WDR97: variants seen among roughly 807,000 people sequenced by gnomAD.
The protein encoded by WDR97 is WD repeat domain 97, also known as WD repeat-containing protein 97.
WDR97 carries 111 observed loss-of-function variants against 65.4 expected under a neutral mutation model. That is an observed-to-expected ratio of 1.70 (90% CI 1.45 to 1.99). The LOEUF is 1.99. Ranked by LOEUF, WDR97 falls within the 30% of genes most tolerant of loss-of-function variation. The pLI, the probability that WDR97 is intolerant of heterozygous loss-of-function variation, is 0.00. For synonymous variants in WDR97, 802 were observed against 397.7 expected (o/e 2.02, Z -12.10); for missense variants, 1,674 against 865.0 (o/e 1.94, Z -11.73).
rs779778199 is a variant in WDR97, at chr8:144,115,706, G to A, written c.4443G>A (p.Leu1481=). ...TDWSHSQLLD[L]GPIDALNFFC... The stretch of plus-strand genomic sequence containing the variant: ...GGTCGCACTCGCAGCTGCTGGACTT[G>A]GGCCCCATCGACGCGCTCAACTTCT... Residue 1481 remains leucine, a synonymous_variant, in exon 22 of 24, where the codon TTG becomes TTA. Coordinates refer to ENST00000323662, the MANE Select transcript of WDR97 (RefSeq NM_001316309.2). 1.4e-6 allele frequency: 1 copy of A among 701,518 alleles called. No individual in the cohort carries two copies. The highest frequency in any genetic ancestry group is 2.6e-6 in the Non-Finnish European group (1 of 384,454). The allele number at this position is 701,518 out of a possible 1,614,324, so 43.5% of individuals were successfully genotyped here. A position where few individuals can be genotyped will look rare whatever the true frequency, so the allele number is the denominator to read the frequency against.
At position 144,112,774 on chromosome 8, in the gene WDR97, G is replaced by T. The variant is rs531403951; in HGVS notation, c.3105+244G>T. Reference sequence around the variant, plus strand: ...CAGGCTCCTTGCTGCTCTGGGAGCTGACATCAGGCAAAGCCAGTCCCCCCA... The same window carrying T: ...CAGGCTCCTTGCTGCTCTGGGAGCTTACATCAGGCAAAGCCAGTCCCCCCA... On this transcript the variant is annotated intron_variant, in intron 15 of 23. Coordinates refer to ENST00000323662, the MANE Select transcript of WDR97 (RefSeq NM_001316309.2). 23 of 566,792 alleles carry T rather than the reference G, an allele frequency of 4.1e-5. 1 individual carries two copies. In the South Asian group the frequency reaches 5.4e-4, roughly 13 times the overall value. The allele number at this position is 566,792 out of a possible 1,614,324, so 35.1% of individuals were successfully genotyped here.
intron 1 of WDR97, 60 bp downstream of exon 1, chr8:144,107,922 T>C (rs1274622872): frequency 1.4e-6 from 1 of 702,434 alleles, no homozygotes; most frequent in Non-Finnish European, 2.6e-6. Context: ...TCATTCGGGC[T>C]TGGGTTCCGT....
Position 144,111,996 on chromosome 8 carries a change from G to A in WDR97, c.2747G>A (p.Arg916Gln), listed in dbSNP as rs1389028136. The change falls in exon 13 of 24, where the codon CGG (arginine) becomes CAG (glutamine). Residue 916 changes from arginine to glutamine, a missense_variant. Coordinates refer to ENST00000323662, the MANE Select transcript of WDR97 (RefSeq NM_001316309.2). ...CCCCAAGCTGCCCACTGTCTTGCCC[G>A]GGCTGAGGTCAGCACTGCAGCCCAA... ...AVPQAAHCLA[R>Q]AEVSTAAQTV... 13 of 702,450 alleles carry A rather than the reference G, an allele frequency of 1.9e-5. No homozygotes were observed. Among genetic ancestry groups the A allele is most frequent in the Middle Eastern group, 4.6e-4 (2 of 4,392 alleles). The allele number at this position is 702,450 out of a possible 1,614,324, so 43.5% of individuals were successfully genotyped here.
Position 144,114,309 on chromosome 8 carries a change from T to C in WDR97, c.3626T>C (p.Leu1209Pro), listed in dbSNP as rs1273125244. The C allele has an allele frequency of 1.4e-6, 1 of 702,480 alleles. No homozygotes were observed. Among genetic ancestry groups the C allele is most frequent in the South Asian group, 1.5e-5 (1 of 67,600 alleles). 43.5% of individuals were successfully genotyped at this position (702,480 alleles called of 1,614,324 possible). Reference sequence around the variant, plus strand: ...CCGGAGGCGGGCACGATCGAGGGCCTGGCCTCGCTGTTGGTGGCCCTGCTG... The same window carrying C: ...CCGGAGGCGGGCACGATCGAGGGCCCGGCCTCGCTGTTGGTGGCCCTGCTG... ...AYPEAGTIEGLASLLVALLEK... is the reference protein window; with the variant it reads ...AYPEAGTIEGPASLLVALLEK... Residue 1209 changes from leucine (L) to proline (P), a missense_variant, in exon 19 of 24, where the codon CTG (leucine) becomes CCG (proline). By Grantham distance (98) the Leu-to-Pro change is moderately conservative. Transcript: ENST00000323662.
chr8:144,114,090 T>G lies in WDR97; in HGVS notation c.3522T>G (p.His1174Gln), dbSNP rs1362522065. The change falls in exon 18 of 24, where the codon CAT (histidine) becomes CAG (glutamine). Residue 1174 changes from histidine (H) to glutamine (Q), a missense_variant. Coordinates refer to ENST00000323662, the MANE Select transcript of WDR97 (RefSeq NM_001316309.2). ...GSLLLDEHYG[H>Q]LPKFLHFFIY... ...TGCTCTTGGATGAGCATTACGGGCA[T>G]CTGCCCAAGTTTCTGCATTTCTTCA... 6 of 702,738 alleles carry G rather than the reference T, an allele frequency of 8.5e-6. No individual in the cohort carries two copies. Among genetic ancestry groups the G allele is most frequent in the Middle Eastern group, 4.6e-4 (2 of 4,392 alleles). 43.5% of individuals were successfully genotyped at this position (702,738 alleles called of 1,614,324 possible).
Position 144,110,904 on chromosome 8 carries a change from T to C in WDR97, c.2212T>C (p.Cys738Arg). Residue 738 changes from cysteine (C) to arginine (R), a missense_variant, in exon 9 of 24, where the codon TGC (cysteine) becomes CGC (arginine). Physicochemically the swap from Cys to Arg is radical, Grantham distance 180. Coordinates refer to ENST00000323662, the MANE Select transcript of WDR97 (RefSeq NM_001316309.2). ...TGGTGCCCCTCAGGCCCTGGCTTTC[T>C]GCAGCAACAGTGGAGACCTGGTGCT... The part of the protein sequence containing the change: ...LNGAPQALAF[C>R]SNSGDLVLAL... 5.7e-6 allele frequency: 4 copies of C among 702,886 alleles called. No individual in the cohort carries two copies. Among genetic ancestry groups the C allele is most frequent in the Non-Finnish European group, 1.0e-5 (4 of 384,972 alleles). 43.5% of individuals were successfully genotyped at this position (702,886 alleles called of 1,614,324 possible).
chr8:144,115,192 A>C (rs747539953), intron 21 of WDR97, 149 bp from the exon 22 acceptor site: 5 of 564,548 alleles, frequency 8.9e-6, no homozygotes, highest in Non-Finnish European at 1.6e-5. Context: ...AGGGAGTTTC[A>C]GTGGCCATGT....
In WDR97 at chr8:144,110,738, C is replaced by T. The variant is rs752781764; in HGVS notation, c.2170C>T (p.Arg724Trp). 4.7e-5 allele frequency: 33 copies of T among 702,712 alleles called. No individual in the cohort carries two copies. The highest frequency in any genetic ancestry group is 7.3e-5 in the Non-Finnish European group (28 of 384,956). The allele number at this position is 702,712 out of a possible 1,614,324, so 43.5% of individuals were successfully genotyped here. A position where few individuals can be genotyped will look rare whatever the true frequency, so the allele number is the denominator to read the frequency against. The change falls in exon 8 of 24, where the codon CGG becomes TGG. Residue 724 changes from arginine (R) to tryptophan (W), a missense_variant and splice_region_variant. Coordinates refer to ENST00000323662, the MANE Select transcript of WDR97 (RefSeq NM_001316309.2). Reference protein sequence around the residue: ...RIWTAENRLLRLLQLNGAPQA... With the variant: ...RIWTAENRLLWLLQLNGAPQA... ...CTGGACTGCTGAGAACCGCCTCCTGCGGTAGGCTAGGAGGTGGGGAGGGCT... is the reference window on the plus strand; with the variant it reads ...CTGGACTGCTGAGAACCGCCTCCTGTGGTAGGCTAGGAGGTGGGGAGGGCT...
intron 15 of WDR97, chr8:144,112,842 G>C (rs1836577136): frequency 8.6e-6 from 4 of 465,380 alleles, no homozygotes; most frequent in Non-Finnish European, 1.5e-5. Context: ...GAGGCGCTGG[G>C]AGGGCAGGTC....
At position 144,108,694 on chromosome 8, in the gene WDR97, C is replaced by T. The variant is rs756183146; in HGVS notation, c.628C>T (p.Leu210=). The T allele has an allele frequency of 1.0e-5, 7 of 700,862 alleles. No individual in the cohort carries two copies. The South Asian group carries it at 1.0e-4, about 10-fold the overall frequency. 43.4% of individuals were successfully genotyped at this position (700,862 alleles called of 1,614,324 possible). Residue 210 remains leucine (L), a synonymous_variant, in exon 3 of 24, where the codon CTG becomes TTG. Coordinates refer to ENST00000323662, the MANE Select transcript of WDR97 (RefSeq NM_001316309.2). ...TCCLPVPDLR[L]LLVAEMNSSL... ...CTGCCTGCCGGTTCCCGACCTCAGG[C>T]TGCTGCTCGTTGCGGAGATGAACAG...
Position 144,109,735 on chromosome 8 carries a change from C to G in WDR97, c.1401C>G (p.Ser467Arg), listed in dbSNP as rs1159706755. Residue 467 changes from serine to arginine, a missense_variant, in exon 5 of 24, where the codon AGC becomes AGG. Ser to Arg is a moderately radical substitution (Grantham distance 110). Coordinates refer to ENST00000323662, the MANE Select transcript of WDR97 (RefSeq NM_001316309.2). Reference protein sequence around the residue: ...LLSAATGRIVSSLLLEPEDCA... With the variant: ...LLSAATGRIVRSLLLEPEDCA... ...CGGCGGCCACCGGGCGCATAGTGAGCTCACTGCTGCTGGAGCCGGAGGACT... is the reference window on the plus strand; with the variant it reads ...CGGCGGCCACCGGGCGCATAGTGAGGTCACTGCTGCTGGAGCCGGAGGACT... 2 of 681,768 alleles carry G rather than the reference C, an allele frequency of 2.9e-6. No individual in the cohort carries two copies. The highest frequency in any genetic ancestry group is 5.3e-6 in the Non-Finnish European group (2 of 376,782). The allele number at this position is 681,768 out of a possible 1,614,324, so 42.2% of individuals were successfully genotyped here.
At position 144,113,526 on chromosome 8, in the gene WDR97, C is replaced by T; in HGVS notation, c.3183+9C>T. 1 of 692,456 alleles carries T rather than the reference C, an allele frequency of 1.4e-6. No homozygotes were observed. Among genetic ancestry groups the T allele is most frequent in the Non-Finnish European group, 2.7e-6 (1 of 376,738 alleles). 42.9% of individuals were successfully genotyped at this position (692,456 alleles called of 1,614,324 possible). ...TGTGGCTAAATGCGGAGGTCAGCAGCCTCGGATCCCCGACTCAGCTCGCCT... is the reference window on the plus strand; with the variant it reads ...TGTGGCTAAATGCGGAGGTCAGCAGTCTCGGATCCCCGACTCAGCTCGCCT... On this transcript the variant is annotated intron_variant, in intron 16 of 23. Coordinates refer to ENST00000323662, the MANE Select transcript of WDR97 (RefSeq NM_001316309.2).
Position 144,108,898 on chromosome 8 carries a change from C to G in WDR97, c.832C>G (p.Leu278Val), listed in dbSNP as rs557672161. 11 of 702,834 alleles carry G rather than the reference C, an allele frequency of 1.6e-5. No individual in the cohort carries two copies. Among genetic ancestry groups the G allele is most frequent in the Non-Finnish European group, 2.9e-5 (11 of 384,994 alleles). 43.5% of individuals were successfully genotyped at this position (702,834 alleles called of 1,614,324 possible). A position where few individuals can be genotyped will look rare whatever the true frequency, so the allele number is the denominator to read the frequency against. ...AYGSAVLTFD[L>V]HAWTLVDVRR... is the part of the protein sequence containing the mutation. ...TGGCTCGGCCGTGCTCACCTTCGAT[C>G]TGCATGCCTGGACTCTCGTAGATGT... The change falls in exon 3 of 24, where the codon CTG (leucine) becomes GTG (valine). Residue 278 changes from leucine to valine, a missense_variant. By Grantham distance (32) the Leu-to-Val change is conservative (BLOSUM62 1). Coordinates refer to ENST00000323662, the MANE Select transcript of WDR97 (RefSeq NM_001316309.2).
rs1362343110 is a variant in WDR97 at position 144,111,160 on chromosome 8, G to A, written c.2364G>A (p.Gln788=). 1.4e-6 allele frequency: 1 copy of A among 702,826 alleles called. No individual in the cohort carries two copies. The highest frequency in any genetic ancestry group is 1.5e-5 in the South Asian group (1 of 67,604). 43.5% of individuals were successfully genotyped at this position (702,826 alleles called of 1,614,324 possible). A position where few individuals can be genotyped will look rare whatever the true frequency, so the allele number is the denominator to read the frequency against. ...ACCCTCCGCTGCCACTGATGAGCCA[G>A]GAGTCACTGACTTCCGCCCAACTGC... The part of the protein sequence containing the change: ...VDDPPLPLMS[Q]ESLTSAQLQR... The change falls in exon 10 of 24, where the codon CAG becomes CAA. Residue 788 remains glutamine (Q), a synonymous_variant. Coordinates refer to ENST00000323662, the MANE Select transcript of WDR97 (RefSeq NM_001316309.2).
chr8:144,113,782 A>G lies in WDR97; in HGVS notation c.3309A>G (p.Glu1103=), dbSNP rs775434919. 1.4e-6 allele frequency: 1 copy of G among 702,822 alleles called. No homozygotes were observed. Among genetic ancestry groups the G allele is most frequent in the Admixed American group, 2.0e-5 (1 of 49,996 alleles). The allele number at this position is 702,822 out of a possible 1,614,324, so 43.5% of individuals were successfully genotyped here. The change falls in exon 17 of 24, where the codon GAA becomes GAG. Residue 1103 remains glutamate (E), a synonymous_variant. Coordinates refer to ENST00000323662, the MANE Select transcript of WDR97 (RefSeq NM_001316309.2). ...AGGAGGGGGAGGAAGACAAGAAGGA[A>G]GAGGAGGAGGAGAAGGAAGACGAGG... ...PGEEGEEDKK[E]EEEEKEDEEL...
In WDR97 at chr8:144,115,494, T is replaced by C. The variant is rs1345479292; in HGVS notation, c.4231T>C (p.Ser1411Pro). The C allele has an allele frequency of 7.2e-6, 5 of 695,478 alleles. No individual in the cohort carries two copies. The East Asian group carries it at 8.1e-5, about 11-fold the overall frequency. 43.1% of individuals were successfully genotyped at this position (695,478 alleles called of 1,614,324 possible). ...GGTGGTCTCACCTGCGGAGCCGCAC[T>C]CTTTAGCCCCGGAGCTCCAGGCCCA... ...LMVVSPAEPH[S>P]LAPELQAQRM... Residue 1411 changes from serine (S) to proline (P), a missense_variant, in exon 22 of 24, where the codon TCT becomes CCT. Coordinates refer to ENST00000323662, the MANE Select transcript of WDR97 (RefSeq NM_001316309.2).
chr8:144,108,023 G>A, intron 1 of WDR97, 36 bp from the exon 2 acceptor site: 1 of 702,634 alleles, frequency 1.4e-6, no homozygotes, highest in Non-Finnish European at 2.6e-6. Context: ...AGGACCTGAG[G>A]CTGTAGGTGG....
At position 144,114,737 on chromosome 8, in the gene WDR97, C is replaced by T. The variant is rs1836617112; in HGVS notation, c.3915-12C>T. The T allele has an allele frequency of 2.8e-6, 2 of 702,050 alleles. No homozygotes were observed. The highest frequency in any genetic ancestry group is 2.7e-5 in the East Asian group (1 of 37,276). 43.5% of individuals were successfully genotyped at this position (702,050 alleles called of 1,614,324 possible). ...GGAAGGCCTCTGGACAAGCCACATGCACCTGTCCCAGGCCAGAGCTCAAGA... is the reference window on the plus strand; with the variant it reads ...GGAAGGCCTCTGGACAAGCCACATGTACCTGTCCCAGGCCAGAGCTCAAGA... On this transcript the variant is annotated splice_polypyrimidine_tract_variant and intron_variant, in intron 20 of 23. Transcript: ENST00000323662.
At chr8:144,108,973 G>A (rs1836480897) in intron 3 of WDR97, 29 bp downstream of exon 3, 2 of 702,928 alleles carry the variant, frequency 2.8e-6, no homozygotes, top group African/African-American at 1.7e-5. Context: ...GGGAGGGCCA[G>A]GCATGTAGGG....
Sources: gnomAD v4.1 joint callset for allele counts on GRCh38, gnomAD v4.1.1 for gene constraint, MANE v1.5 for transcripts, NCBI Gene and HGNC (gene_info 2026-07-23, HGNC 2026-07-21) for gene names.